Variants in HIP1 observed in about 807,000 individuals in gnomAD.
The protein encoded by HIP1 is huntingtin interacting protein 1.
A neutral mutation model predicts 147.6 loss-of-function variants in HIP1; 65 were observed. That is an observed-to-expected ratio of 0.44 (90% confidence interval 0.36 to 0.54). The LOEUF is 0.54. HIP1 is among the 20% of genes least tolerant of loss of function. The pLI is 0.00. For missense variants in HIP1, 1,061 were observed against 1,299.6 expected, an observed-to-expected ratio of 0.82 and a Z score of 2.82; for synonymous variants, 479 against 504.0, an observed-to-expected ratio of 0.95 and a Z score of 0.67.
intron 1 of HIP1, among the ~76,000 whole-genome samples, chr7:75,601,321 G>T (rs1179637): frequency 0.26 from 38,842 of 151,818 alleles, 5,308 homozygotes; most frequent in African/African-American, 0.34. Flanking sequence ...GGGCACAGTG[G>T]CTCATGCCTG....
chr7:75,551,189 A>ATTTTGTTTTTTTTTT (rs1794768795), intron 22 of HIP1, among the ~76,000 whole-genome samples: 1 of 77,406 alleles, frequency 1.3e-5, no homozygotes, highest in Non-Finnish European at 2.2e-5. Context: ...GTAGATGATA[A>ATTTTGTTTTTTTTTT]TTTTTTTTTT....
intron 6 of HIP1, among the ~76,000 whole-genome samples, chr7:75,581,740 C>G (rs988027056): frequency 6.6e-6 from 1 of 152,168 alleles, no homozygotes; most frequent in Non-Finnish European, 1.5e-5. Context: ...GATCAAGTCA[C>G]TGCACTCCAG....
intron 1 of HIP1, among the ~76,000 whole-genome samples, chr7:75,662,986 GA>G (rs781965877): frequency 6.6e-6 from 1 of 152,278 alleles, no homozygotes; most frequent in South Asian, 2.1e-4. Context: ...CTTCCTCAAT[GA>G]AAATCCCCAC....
intron 1 of HIP1, among the ~76,000 whole-genome samples, chr7:75,657,584 C>T (rs1799182079): frequency 6.6e-6 from 1 of 150,646 alleles, no homozygotes; most frequent in Admixed American, 6.6e-5. Context: ...ATGTCCTTTG[C>T]AGCCACATGG....
chr7:75,669,244 G>C (rs1303407409), intron 1 of HIP1, among the ~76,000 whole-genome samples: 15 of 152,040 alleles, frequency 9.9e-5, no homozygotes, highest in African/African-American at 3.6e-4. Flanking sequence ...ATGGCGGCGG[G>C]CGCCTGTAGT....
At chr7:75,563,337 G>T in intron 9 of HIP1, 74 bp from the exon 10 acceptor site, 1 of 1,384,334 alleles carries the variant, frequency 7.2e-7, no homozygotes, top group South Asian at 1.2e-5. Flanking sequence ...GCAGCCACCT[G>T]GCTTTCCTGC....
chr7:75,594,745 G>A (rs782324165), intron 2 of HIP1, among the ~76,000 whole-genome samples: 2 of 152,192 alleles, frequency 1.3e-5, no homozygotes, highest in Non-Finnish European at 2.9e-5. Flanking sequence ...CTGCACTCCA[G>A]CCTGGGCGAC....
intron 1 of HIP1, among the ~76,000 whole-genome samples, chr7:75,678,003 TTC>T (rs1453622865): frequency 1.3e-5 from 2 of 152,096 alleles, no homozygotes; most frequent in Non-Finnish European, 2.9e-5. Flanking sequence ...TCACTATTTT[TTC>T]TCTGTCTTCT....
chr7:75,591,671 G>C (rs1384822974), intron 4 of HIP1, among the ~76,000 whole-genome samples: 1 of 150,776 alleles, frequency 6.6e-6, no homozygotes, highest in African/African-American at 2.4e-5. Context: ...GATCACTTGA[G>C]GCCAGGAGTT....
At chr7:75,692,497 T>C (rs890310926) in intron 1 of HIP1, among the ~76,000 whole-genome samples, 1 of 151,950 alleles carries the variant, frequency 6.6e-6, no homozygotes, top group Non-Finnish European at 1.5e-5. Flanking sequence ...CTTGGCTTAC[T>C]GCAGCCTCTG....
chr7:75,539,467 A>C (rs781859712), intron 29 of HIP1, 36 bp from the exon 30 acceptor site: 5 of 1,495,646 alleles, frequency 3.3e-6, no homozygotes, highest in Non-Finnish European at 4.6e-6. Flanking sequence ...TCTCTTAATC[A>C]TCTCTCAGAG....
At chr7:75,620,140 T>C (rs1554506742) in intron 1 of HIP1, among the ~76,000 whole-genome samples, 2 of 152,176 alleles carry the variant, frequency 1.3e-5, no homozygotes, top group East Asian at 1.9e-4. Flanking sequence ...ATCCCAGCGC[T>C]TTGGGAGGCC....
intron 13 of HIP1, 128 bp from the exon 14 acceptor site, chr7:75,560,043 C>T: frequency 1.1e-6 from 1 of 921,846 alleles, no homozygotes. Flanking sequence ...CTCCACGTCC[C>T]AGGAGGGTTG....
At position 75,568,249 on chromosome 7, in the gene HIP1, TG is replaced by T; in HGVS notation, c.752del (p.Pro251GlnfsTer19). ...CCCGGTGGCCTTGCAGGGTGTCAGCTGGGAGGCCTGGAAGAAATTGGAAAGA... is the reference window on the plus strand; with the variant it reads ...CCCGGTGGCCTTGCAGGGTGTCAGCTGGAGGCCTGGAAGAAATTGGAAAGA... Reference protein sequence around the residue: ...KLLFKLHSCLPADTLQGHRDR... With the variant: ...KLLFKLHSCLXADTLQGHRDR... On this transcript the variant is annotated frameshift_variant, in exon 9 of 31. Transcript: ENST00000336926. LOFTEE classifies it high-confidence loss of function. This position sits in a 1 kb window ranked among gnomAD's most constrained non-coding sequence, Gnocchi z 4.1. 6.2e-7 allele frequency: 1 copy of T among 1,611,862 alleles called. No homozygotes were observed. Among genetic ancestry groups the T allele is most frequent in the Non-Finnish European group, 8.5e-7 (1 of 1,178,244 alleles).
At chr7:75,662,342 C>G (rs1287368318) in intron 1 of HIP1, among the ~76,000 whole-genome samples, 5 of 151,954 alleles carry the variant, frequency 3.3e-5, no homozygotes, top group Non-Finnish European at 5.9e-5. Flanking sequence ...CACCACCACG[C>G]CCAGCTATTT....
At chr7:75,659,146 C>G (rs1799227235) in intron 1 of HIP1, among the ~76,000 whole-genome samples, 9 of 152,256 alleles carry the variant, frequency 5.9e-5, no homozygotes, top group Admixed American at 4.6e-4. Context: ...TATGGCAAAC[C>G]AGAGCAATCT....
intron 1 of HIP1, among the ~76,000 whole-genome samples, chr7:75,685,483 T>A (rs1800228782): frequency 6.6e-6 from 1 of 152,236 alleles, no homozygotes; most frequent in Admixed American, 6.5e-5. Context: ...ACTTTTCCAC[T>A]GGGTTGCGGT....
At position 75,673,172 on chromosome 7, in the gene HIP1, A is replaced by G. The variant is rs181193394; in HGVS notation, c.120+65629T>C. Among the ~76,000 whole-genome samples, 131 of 151,838 alleles carry G rather than the reference A, an allele frequency of 8.6e-4. 1 individual carries two copies. The highest frequency in any genetic ancestry group is 3.1e-3 in the African/African-American group (129 of 41,404). Reference sequence around the variant, plus strand: ...CAGTAGCTGGGATTACAGGTGCCCAACACCACGCTGGGCTAATTTTTTCTG... The same window carrying G: ...CAGTAGCTGGGATTACAGGTGCCCAGCACCACGCTGGGCTAATTTTTTCTG... On this transcript the variant is annotated intron_variant, in intron 1 of 30. Coordinates refer to ENST00000336926, the MANE Select transcript of HIP1 (RefSeq NM_005338.7).
chr7:75,599,151 G>C (rs782075713), intron 2 of HIP1, 33 bp downstream of exon 2: 1 of 1,559,852 alleles, frequency 6.4e-7, no homozygotes, highest in East Asian at 2.2e-5. Flanking sequence ...CCTCCCTCAG[G>C]GTCGGTCTTC....
Sources: allele counts gnomAD v4.1 joint callset (sites outside exome capture counted in the v4.1 genomes callset), GRCh38; gene constraint gnomAD v4.1.1; non-coding constraint Gnocchi (gnomAD v3.1); transcripts MANE v1.5; gene names NCBI Gene and HGNC (gene_info 2026-07-23, HGNC 2026-07-21).